The following DRICH1 variants were observed in gnomAD, a reference collection of about 807,000 sequenced individuals.
DRICH1 encodes the protein aspartate rich 1, also known as aspartate-rich protein 1.
In DRICH1, 38 loss-of-function variants were observed where a neutral mutation model predicts 39.5. The observed-to-expected ratio is 0.96, with a 90% CI of 0.74 to 1.26. The LOEUF (loss-of-function observed/expected upper bound fraction) is 1.26, where lower values mean the gene tolerates loss of function less well. Among genes scored for constraint, DRICH1 ranks in the 50% most tolerant of loss-of-function variants. DRICH1 has a pLI of 0.00. For synonymous variants in DRICH1, 84 were observed against 99.5 expected (o/e 0.84, Z 0.93); for missense variants, 279 against 270.4 (o/e 1.03, Z -0.22).
chr22:23,604,443 C>T (rs1414730136), downstream of DRICH1, among the ~76,000 whole-genome samples: 1 of 152,198 alleles, frequency 6.6e-6, no homozygotes, highest in African/African-American at 2.4e-5. Context: ...ACACGACACC[C>T]TCATTTTGTG....
chr22:23,621,054 A>G (rs1191012763), intron 4 of DRICH1, among the ~76,000 whole-genome samples: 1 of 152,186 alleles, frequency 6.6e-6, no homozygotes, highest in Non-Finnish European at 1.5e-5. Flanking sequence ...TTTTATACCA[A>G]GATTAATTGA....
intron 4 of DRICH1, among the ~76,000 whole-genome samples, 189 bp downstream of exon 4, chr22:23,621,902 C>CAAACAA (rs1188368756): frequency 6.6e-6 from 1 of 150,478 alleles, no homozygotes; most frequent in East Asian, 1.9e-4. Flanking sequence ...GACTCTGTCT[C>CAAACAA]AAACAAAAAC....
At chr22:23,582,539 G>A in the DRICH1 span, among the ~76,000 whole-genome samples, 1 of 115,102 alleles carries the variant, frequency 8.7e-6, no homozygotes, top group Non-Finnish European at 1.9e-5. Flanking sequence ...TGCTGCATGT[G>A]TAATACCTTC....
At chr22:23,607,331 A>G (rs1602324634), downstream of DRICH1, among the ~76,000 whole-genome samples, 1 of 152,330 alleles carries the variant, frequency 6.6e-6, no homozygotes, top group Non-Finnish European at 1.5e-5. Flanking sequence ...AGGTGAGGAA[A>G]CGGAGGCACA....
chr22:23,612,773 G>A (rs919070299), intron 11 of DRICH1, among the ~76,000 whole-genome samples: 10 of 152,146 alleles, frequency 6.6e-5, no homozygotes, highest in African/African-American at 1.9e-4. Context: ...TCCACTCCGG[G>A]AGATCCCTTT....
At chr22:23,585,711 G>A in the DRICH1 span, among the ~76,000 whole-genome samples, 2 of 152,062 alleles carry the variant, frequency 1.3e-5, no homozygotes. Context: ...ATAAAGACAG[G>A]GTCTCACTGT....
At chr22:23,597,829 A>AG in the DRICH1 span, among the ~76,000 whole-genome samples, 46 of 152,218 alleles carry the variant, frequency 3.0e-4, 1 homozygote, top group African/African-American at 1.0e-3. Context: ...ATGTAGGGAG[A>AG]GGGCTGTTCC....
intron 11 of DRICH1, among the ~76,000 whole-genome samples, chr22:23,609,363 G>A (rs1010703613): frequency 3.9e-5 from 6 of 152,200 alleles, no homozygotes; most frequent in South Asian, 2.1e-4. Flanking sequence ...TGGCAGTGCC[G>A]GGGGCATCAT....
At chr22:23,630,404 C>T (rs1928320137) in intron 1 of DRICH1, among the ~76,000 whole-genome samples, 1 of 141,154 alleles carries the variant, frequency 7.1e-6, no homozygotes, top group Non-Finnish European at 1.6e-5. Context: ...GGGTTCATTC[C>T]TTTCCACACT....
chr22:23,613,755 A>C, intron 9 of DRICH1, 95 bp from the exon 10 acceptor site: 1 of 929,916 alleles, frequency 1.1e-6, no homozygotes, highest in Non-Finnish European at 1.7e-6. Flanking sequence ...AAAAACCAGA[A>C]GGCAGTATAG....
Position 23,620,608 on chromosome 22 carries a change from G to A in DRICH1, c.392C>T (p.Pro131Leu), listed in dbSNP as rs531569149. Residue 131 changes from proline (P) to leucine (L), a missense_variant, in exon 5 of 12, where the codon CCG (proline) becomes CTG (leucine). By Grantham distance (98) the Pro-to-Leu change is moderately conservative. Transcript: ENST00000317749. ...AAGGTACATACCCTGGACACGTGAC[G>A]GTAAAATCTGCAACGAGACAAAAGA... is the stretch of plus-strand genomic sequence containing the variant. The part of the protein sequence containing the change: ...DDDDDDAQIL[P>L]SRVQGGCYRF... 6.2e-4 allele frequency: 997 copies of A among 1,613,814 alleles called. 11 individuals are homozygous for A. The South Asian group carries it at 9.7e-3, about 16-fold the overall frequency.
At chr22:23,612,592 C>A (rs1005836320) in intron 11 of DRICH1, among the ~76,000 whole-genome samples, 1 of 150,532 alleles carries the variant, frequency 6.6e-6, no homozygotes. Flanking sequence ...TGGGAAGGAA[C>A]TTTTGGCTTC....
At chr22:23,625,867 T>TA in intron 2 of DRICH1, 114 bp downstream of exon 2, 1 of 803,798 alleles carries the variant, frequency 1.2e-6, no homozygotes, top group Non-Finnish European at 2.1e-6. Context: ...TTAAAAGTCT[T>TA]ACTTTTGCTG....
chr22:23,595,869 A>C, the DRICH1 span, among the ~76,000 whole-genome samples: 2,748 of 152,010 alleles, frequency 0.018, 34 homozygotes, highest in South Asian at 0.063. Flanking sequence ...GGACAAGTTG[A>C]CTCAGACAGG....
chr22:23,615,110 A>G (rs1927276770), intron 8 of DRICH1, among the ~76,000 whole-genome samples: 2 of 152,252 alleles, frequency 1.3e-5, no homozygotes, highest in Admixed American at 6.5e-5. Flanking sequence ...ACTCTGGCTC[A>G]GACCTGTAAT....
In DRICH1 at chr22:23,631,871, C is replaced by T. The variant is rs1920988331; in HGVS notation, c.153G>A (p.Val51=). ...GCAGGTCTTGGCCCTCCGTGGCTCCCACATCCAGCTTGCCAGGCTCTACAG... is the reference window on the plus strand; with the variant it reads ...GCAGGTCTTGGCCCTCCGTGGCTCCTACATCCAGCTTGCCAGGCTCTACAG... ...STTVEPGKLD[V]GATEGQDLQH... is the part of the protein sequence containing the mutation. Residue 51 remains valine (V), a synonymous_variant, in exon 1 of 12, where the codon GTG becomes GTA. Coordinates refer to ENST00000317749, the MANE Select transcript of DRICH1 (RefSeq NM_016449.4). The T allele has an allele frequency of 1.2e-6, 2 of 1,612,934 alleles. No individual in the cohort carries two copies. The highest frequency in any genetic ancestry group is 1.7e-6 in the Non-Finnish European group (2 of 1,180,036).
chr22:23,623,747 T>C (rs1464271019), intron 3 of DRICH1: 2 of 164,774 alleles, frequency 1.2e-5, no homozygotes, highest in African/African-American at 4.8e-5. Context: ...GATTGAAATC[T>C]ACAAAAAACA....
In DRICH1 at chr22:23,626,991, C is replaced by T. The variant is rs536361992; in HGVS notation, c.209-943G>A. On this transcript the variant is annotated intron_variant, in intron 1 of 11. Coordinates refer to ENST00000317749, the MANE Select transcript of DRICH1 (RefSeq NM_016449.4). ...ACAGCAGATGTGAAAGAGCATTCTG[C>T]GGGGATGTAAATCTCTCCACTTCAT... 7.3e-5 allele frequency among the ~76,000 whole-genome samples: 11 copies of T among 151,608 alleles called. No individual in the cohort carries two copies. In the South Asian group the frequency reaches 8.4e-4, roughly 12 times the overall value.
intron 9 of DRICH1, 100 bp downstream of exon 9, chr22:23,614,035 C>T (rs760584448): frequency 1.3e-4 from 102 of 807,406 alleles, no homozygotes; most frequent in Non-Finnish European, 1.4e-4. Context: ...GTACAGTGTA[C>T]ATAATGTGCA....
Sources: allele counts gnomAD v4.1 joint callset (sites outside exome capture counted in the v4.1 genomes callset), GRCh38; gene constraint gnomAD v4.1.1; transcripts MANE v1.5; gene names NCBI Gene and HGNC (gene_info 2026-07-23, HGNC 2026-07-21).